The following BBX variants were observed in gnomAD, a reference collection of about 807,000 sequenced individuals.
BBX encodes the protein BBX high mobility group box domain containing, also known as HMG box transcription factor BBX.
A neutral mutation model predicts 100.2 loss-of-function variants in BBX; 30 were observed. The ratio of observed to expected loss-of-function variants is 0.30; its 90% CI spans 0.22 to 0.41. BBX has a LOEUF of 0.41. Among genes scored for constraint, BBX ranks in the 10% least tolerant of loss-of-function variants. The probability of loss-of-function intolerance (pLI) is 1.00; values close to 1 mark genes in which losing one functional copy is unlikely to be tolerated. For synonymous variants in BBX, 376 were observed against 388.1 expected, an observed-to-expected ratio of 0.97 and a Z score of 0.37; for missense variants, 1,023 against 1,129.8, an observed-to-expected ratio of 0.91 and a Z score of 1.35.
At chr3:107,713,888 C>T (rs1239825226) in intron 4 of BBX, among the ~76,000 whole-genome samples, 3 of 151,770 alleles carry the variant, frequency 2.0e-5, no homozygotes, top group African/African-American at 4.8e-5. Flanking sequence ...CCATGTCTCT[C>T]CATTGACGAC....
At chr3:107,584,160 T>C (rs2052612746) in intron 2 of BBX, among the ~76,000 whole-genome samples, 1 of 23,784 alleles carries the variant, frequency 4.2e-5, no homozygotes, top group East Asian at 4.6e-4. Flanking sequence ...ATATATGATA[T>C]ATATATTATT....
At chr3:107,719,385 G>T (rs1037200851) in intron 5 of BBX, among the ~76,000 whole-genome samples, 3 of 151,930 alleles carry the variant, frequency 2.0e-5, no homozygotes, top group African/African-American at 4.8e-5. Flanking sequence ...GTTTTTAAAA[G>T]AAGTATATTT....
At chr3:107,600,235 A>G (rs994899633) in intron 2 of BBX, among the ~76,000 whole-genome samples, 10 of 152,238 alleles carry the variant, frequency 6.6e-5, no homozygotes, top group African/African-American at 2.4e-4. Flanking sequence ...AGAGAAAAGT[A>G]TTAAGAACAA....
intron 3 of BBX, among the ~76,000 whole-genome samples, chr3:107,649,977 A>G (rs2057743969): frequency 6.6e-6 from 1 of 152,232 alleles, no homozygotes; most frequent in Non-Finnish European, 1.5e-5. Flanking sequence ...CAAATTTTAT[A>G]TAATCTTTAG....
intron 13 of BBX, among the ~76,000 whole-genome samples, chr3:107,783,289 A>T (rs927941676): frequency 9.9e-5 from 15 of 151,986 alleles, no homozygotes; most frequent in African/African-American, 3.6e-4. Context: ...GTAGTTTTAT[A>T]TCTATAATTT....
intron 2 of BBX, among the ~76,000 whole-genome samples, chr3:107,569,110 G>A (rs998038845): frequency 2.0e-5 from 3 of 152,144 alleles, no homozygotes; most frequent in East Asian, 1.9e-4. Flanking sequence ...AGCTAACTAC[G>A]TGCCAGGAAC....
chr3:107,585,514 T>C (rs1427981216), intron 2 of BBX, among the ~76,000 whole-genome samples: 1 of 152,190 alleles, frequency 6.6e-6, no homozygotes, highest in Non-Finnish European at 1.5e-5. Context: ...AAAAAGTCTT[T>C]AAATTGTTCA....
At chr3:107,728,732 A>T in intron 5 of BBX, 33 bp from the exon 6 acceptor site, 1 of 1,566,322 alleles carries the variant, frequency 6.4e-7, no homozygotes, top group Non-Finnish European at 8.7e-7. Flanking sequence ...CTATTTGTTA[A>T]TTAAAATCTG....
chr3:107,709,391 G>A (rs763518082), intron 3 of BBX, among the ~76,000 whole-genome samples: 1 of 152,142 alleles, frequency 6.6e-6, no homozygotes, highest in Non-Finnish European at 1.5e-5. Context: ...CCCAGTTTCT[G>A]TTTTAACATC....
intron 2 of BBX, among the ~76,000 whole-genome samples, chr3:107,636,533 T>C (rs576518135): frequency 6.6e-6 from 1 of 152,330 alleles, no homozygotes; most frequent in Non-Finnish European, 1.5e-5. Context: ...AAAATACTTA[T>C]TAGCAGTATT....
chr3:107,574,731 A>T (rs925662402), intron 2 of BBX, among the ~76,000 whole-genome samples: 2 of 152,232 alleles, frequency 1.3e-5, no homozygotes, highest in South Asian at 2.1e-4. Flanking sequence ...TATGAATGAG[A>T]TGCAACTGAA....
chr3:107,695,987 A>G (rs1172142884), intron 3 of BBX, among the ~76,000 whole-genome samples: 1 of 151,738 alleles, frequency 6.6e-6, no homozygotes, highest in East Asian at 1.9e-4. Flanking sequence ...TGTTGGTTTA[A>G]AGTCTGTTTT....
intron 3 of BBX, chr3:107,659,757 T>C (rs765087736): frequency 1.3e-5 from 17 of 1,280,948 alleles, no homozygotes; most frequent in African/African-American, 4.6e-5. Context: ...ATGAATGCAC[T>C]GTTTATTTTT....
rs932159335 is a variant in BBX, at chr3:107,716,472, A to T, written c.163-135A>T. 4 of 1,115,740 alleles carry T rather than the reference A, an allele frequency of 3.6e-6. No homozygotes were observed. The African/African-American group carries it at 4.8e-5, about 13-fold the overall frequency. 69.1% of individuals were successfully genotyped at this position (1,115,740 alleles called of 1,614,324 possible). ...TGAACAGTGGTTGTTGATTTTTTAA[A>T]ATTATATTTTTTTCAATGTGTAAGT... On this transcript the variant is annotated intron_variant, in intron 4 of 17. Transcript: ENST00000325805.
chr3:107,605,097 C>T (rs1056868512), intron 2 of BBX, among the ~76,000 whole-genome samples: 3 of 152,186 alleles, frequency 2.0e-5, no homozygotes, highest in African/African-American at 4.8e-5. Context: ...CCATTGCATT[C>T]TCCTGACCTA....
At chr3:107,796,996 A>G (rs2069748470) in intron 15 of BBX, among the ~76,000 whole-genome samples, 1 of 152,148 alleles carries the variant, frequency 6.6e-6, no homozygotes, top group Non-Finnish European at 1.5e-5. Context: ...GTTATGCAAT[A>G]TTGAGGTAAG....
intron 2 of BBX, among the ~76,000 whole-genome samples, chr3:107,562,801 A>G (rs901197628): frequency 2.0e-5 from 3 of 152,208 alleles, no homozygotes; most frequent in African/African-American, 4.8e-5. Context: ...GTGTAACCTG[A>G]AAAGAAATGA....
chr3:107,537,967 A>T (rs1030494681), intron 2 of BBX, among the ~76,000 whole-genome samples: 1 of 152,258 alleles, frequency 6.6e-6, no homozygotes, highest in African/African-American at 2.4e-5. Context: ...ACATTAAAGC[A>T]GCAAAGAGAA....
At chr3:107,541,367 T>C (rs1426330037) in intron 2 of BBX, among the ~76,000 whole-genome samples, 1 of 152,176 alleles carries the variant, frequency 6.6e-6, no homozygotes, top group Non-Finnish European at 1.5e-5. Flanking sequence ...TTATAAATAT[T>C]TGGAGTAGCA....
Sources: gnomAD v4.1 joint callset for allele counts (sites outside exome capture counted in the v4.1 genomes callset) on GRCh38, gnomAD v4.1.1 for gene constraint, MANE v1.5 for transcripts, NCBI Gene and HGNC (gene_info 2026-07-23, HGNC 2026-07-21) for gene names.